Variants in CHN2 observed in about 807,000 individuals in gnomAD.
The protein encoded by CHN2 is beta-chimaerin.
In CHN2, 35 loss-of-function variants were observed where a neutral mutation model predicts 56.3. The observed-to-expected ratio is 0.62, with a 90% confidence interval of 0.47 to 0.82. The LOEUF is 0.82. Among genes scored for constraint, CHN2 ranks in the 40% least tolerant of loss-of-function variants. The pLI, the probability that CHN2 is intolerant of heterozygous loss-of-function variation, is 0.00. For missense variants in CHN2, 491 were observed against 580.5 expected, an observed-to-expected ratio of 0.85 and a Z score of 1.58; for synonymous variants, 210 against 212.8, an observed-to-expected ratio of 0.99 and a Z score of 0.12.
chr7:29,186,293 A>C (rs1026715805), intron 2 of CHN2, among the ~76,000 whole-genome samples: 24 of 152,174 alleles, frequency 1.6e-4, no homozygotes, highest in African/African-American at 5.5e-4. Flanking sequence ...TCAAATTGAA[A>C]AACATAAGTA....
chr7:29,450,971 A>G (rs1784364222), intron 6 of CHN2, among the ~76,000 whole-genome samples: 1 of 152,054 alleles, frequency 6.6e-6, no homozygotes, highest in Non-Finnish European at 1.5e-5. Context: ...GGGTTTCACC[A>G]TCTTGGCCAG....
intron 1 of CHN2, among the ~76,000 whole-genome samples, chr7:29,300,743 A>G (rs1430774211): frequency 6.6e-6 from 1 of 152,210 alleles, no homozygotes; most frequent in Non-Finnish European, 1.5e-5. Context: ...AACAAAAGAA[A>G]TATTTTCCAA....
At chr7:29,466,856 C>T (rs898854196) in intron 6 of CHN2, among the ~76,000 whole-genome samples, 1 of 151,666 alleles carries the variant, frequency 6.6e-6, no homozygotes, top group African/African-American at 2.4e-5. Context: ...TTTTGTTTTT[C>T]TGTGGCAAAG....
intron 1 of CHN2, among the ~76,000 whole-genome samples, chr7:29,309,535 T>A (rs1794431341): frequency 1.3e-5 from 2 of 152,200 alleles, no homozygotes; most frequent in Admixed American, 6.5e-5. Flanking sequence ...ATTTTGCTTC[T>A]CCTTTTCTTT....
chr7:29,248,759 T>A (rs1245385136), intron 1 of CHN2, among the ~76,000 whole-genome samples: 5 of 152,194 alleles, frequency 3.3e-5, no homozygotes, highest in South Asian at 2.1e-4. Flanking sequence ...CATACGATTC[T>A]CAGGCTCTAC....
chr7:29,461,673 A>C (rs1785169229), intron 6 of CHN2, among the ~76,000 whole-genome samples: 1 of 152,254 alleles, frequency 6.6e-6, no homozygotes, highest in Non-Finnish European at 1.5e-5. Flanking sequence ...CTTCTAGTCT[A>C]TGAACTACCT....
At chr7:29,479,794 G>A (rs1364440088) in intron 6 of CHN2, 8 of 1,215,436 alleles carry the variant, frequency 6.6e-6, no homozygotes, top group South Asian at 1.9e-5. Context: ...GCAGGCTGCC[G>A]GCCCCTGCCT....
intron 1 of CHN2, among the ~76,000 whole-genome samples, chr7:29,230,875 A>G (rs1786639984): frequency 6.6e-6 from 1 of 152,042 alleles, no homozygotes; most frequent in East Asian, 1.9e-4. Flanking sequence ...AGGTCTACAC[A>G]TTGTACTCTA....
chr7:29,279,457 A>T (rs1791501880), intron 1 of CHN2, among the ~76,000 whole-genome samples: 1 of 152,266 alleles, frequency 6.6e-6, no homozygotes. Flanking sequence ...TTCAACAAAC[A>T]TTTATGGAGA....
chr7:29,359,159 A>G (rs1376285792), intron 2 of CHN2, among the ~76,000 whole-genome samples: 1 of 152,128 alleles, frequency 6.6e-6, no homozygotes, highest in Non-Finnish European at 1.5e-5. Context: ...GTGGTCAGGG[A>G]TGTGCTGACT....
chr7:29,375,690 G>A (rs1168436556), intron 3 of CHN2, among the ~76,000 whole-genome samples: 2 of 152,200 alleles, frequency 1.3e-5, no homozygotes, highest in African/African-American at 4.8e-5. Context: ...ATCTCAGGTG[G>A]TGGTGGTAGT....
Position 29,451,926 on chromosome 7 carries a change from G to A in CHN2, c.577-28353G>A, listed in dbSNP as rs1272462582. ...GAGGTGGTCTCCTAGGCAACCTGGT[G>A]CATGCCCATAGGCCTAAATCAGGCT... On this transcript the variant is annotated intron_variant, in intron 6 of 12. Transcript: ENST00000222792. 3.9e-5 allele frequency among the ~76,000 whole-genome samples: 6 copies of A among 152,136 alleles called. No individual in the cohort carries two copies. The East Asian group carries it at 9.7e-4, about 24-fold the overall frequency.
At chr7:29,195,625 AGAGAGTGTGT>A (rs1783617913) in intron 1 of CHN2, among the ~76,000 whole-genome samples, 2 of 116,056 alleles carry the variant, frequency 1.7e-5, no homozygotes, top group African/African-American at 7.9e-5. Flanking sequence ...AGAGAGAGAG[AGAGAGTGTGT>A]GTGTGTGTGT....
At chr7:29,172,620 TA>T (rs984754559) in intron 2 of CHN2, among the ~76,000 whole-genome samples, 2 of 152,228 alleles carry the variant, frequency 1.3e-5, no homozygotes, top group African/African-American at 4.8e-5. Context: ...AAAAGCTTAG[TA>T]AAGTCCATCT....
chr7:29,406,314 C>G (rs773401334), intron 6 of CHN2, among the ~76,000 whole-genome samples: 1 of 152,108 alleles, frequency 6.6e-6, no homozygotes, highest in Non-Finnish European at 1.5e-5. Context: ...CGTTGTGGAG[C>G]TGATCACCTT....
At chr7:29,343,467 T>C (rs1160932951) in intron 1 of CHN2, among the ~76,000 whole-genome samples, 1 of 152,158 alleles carries the variant, frequency 6.6e-6, no homozygotes, top group Non-Finnish European at 1.5e-5. Context: ...CTCTATTTTC[T>C]CAATTTCTAC....
intron 1 of CHN2, among the ~76,000 whole-genome samples, chr7:29,251,969 T>C (rs2128819716): frequency 6.6e-6 from 1 of 152,228 alleles, no homozygotes; most frequent in Admixed American, 6.5e-5. Flanking sequence ...ATGCTATATA[T>C]ACTTAAATAG....
intron 7 of CHN2, among the ~76,000 whole-genome samples, chr7:29,491,209 T>C (rs987986456): frequency 6.6e-6 from 1 of 152,178 alleles, no homozygotes; most frequent in African/African-American, 2.4e-5. Flanking sequence ...TCTCATGTTA[T>C]GTTTTAGTTG....
At chr7:29,502,555 T>G (rs555567957) in intron 9 of CHN2, among the ~76,000 whole-genome samples, 2 of 152,220 alleles carry the variant, frequency 1.3e-5, no homozygotes, top group Admixed American at 1.3e-4. Flanking sequence ...AGCTGGCAAC[T>G]TCTGCTACTC....
Sources: gnomAD v4.1 joint callset for allele counts (sites outside exome capture counted in the v4.1 genomes callset) on GRCh38, gnomAD v4.1.1 for gene constraint, MANE v1.5 for transcripts, NCBI Gene and HGNC (gene_info 2026-07-23, HGNC 2026-07-21) for gene names.